Variants in GPCPD1 observed in about 807,000 individuals in gnomAD.
GPCPD1 encodes the protein glycerophosphocholine phosphodiesterase GPCPD1.
Under a neutral mutation model 89.2 loss-of-function variants are expected in GPCPD1, and 29 were observed. That is an observed-to-expected ratio of 0.33 (90% CI 0.24 to 0.44). The LOEUF (loss-of-function observed/expected upper bound fraction) is 0.44, where lower values mean the gene tolerates loss of function less well. Among genes scored for constraint, GPCPD1 ranks in the 20% least tolerant of loss-of-function variants. GPCPD1 has a pLI of 1.00. For synonymous variants in GPCPD1, 258 were observed against 266.3 expected (o/e 0.97, Z 0.30); for missense variants, 594 against 808.9 (o/e 0.73, Z 3.22).
chr20:5,549,782 C>T (rs6053484), intron 19 of GPCPD1, among the ~76,000 whole-genome samples: 34,853 of 145,486 alleles, frequency 0.24, 4,672 homozygotes, highest in East Asian at 0.42. Context: ...TCCTTAATGA[C>T]TTCAGGGAAA....
intron 3 of GPCPD1, 77 bp from the exon 4 acceptor site, chr20:5,593,488 T>C (rs1983694): frequency 0.67 from 513,165 of 766,088 alleles, 175,097 homozygotes; most frequent in African/African-American, 0.87. Flanking sequence ...TTCACAAAAC[T>C]CCTCAAATAA....
chr20:5,579,193 A>C (rs904980698), intron 7 of GPCPD1, among the ~76,000 whole-genome samples: 4 of 152,032 alleles, frequency 2.6e-5, no homozygotes, highest in Non-Finnish European at 5.9e-5. Flanking sequence ...TCAAAAGAAA[A>C]AATATATATA....
At position 5,545,281 on chromosome 20, in the gene GPCPD1, T is replaced by C. The variant is rs984535142; in HGVS notation, c.*2380A>G. 1.4e-4 allele frequency: 22 copies of C among 152,270 alleles called. No individual in the cohort carries two copies. Among genetic ancestry groups the C allele is most frequent in the African/African-American group, 5.3e-4 (22 of 41,560 alleles). The allele number at this position is 152,270 out of a possible 1,614,324, so 9.4% of individuals were successfully genotyped here. A position where few individuals can be genotyped will look rare whatever the true frequency, so the allele number is the denominator to read the frequency against. ...TAATTCCAACATTCATTTTCCACCA[T>C]GTTCCAAGCACTGTGAAAATAAAAA... On this transcript the variant is annotated 3_prime_UTR_variant, in exon 20 of 20. Coordinates refer to ENST00000379019, the MANE Select transcript of GPCPD1 (RefSeq NM_019593.5).
chr20:5,586,351 A>C (rs1341754013), intron 4 of GPCPD1, 82 bp from the exon 5 acceptor site: 7 of 752,512 alleles, frequency 9.3e-6, no homozygotes, highest in Non-Finnish European at 2.4e-6. Context: ...TTTGTGGCCT[A>C]AATCTTATAC....
At position 5,546,883 on chromosome 20, in the gene GPCPD1, A is replaced by G. The variant is rs1206445978; in HGVS notation, c.*778T>C. 2.0e-5 allele frequency: 3 copies of G among 152,632 alleles called. No individual in the cohort carries two copies. The highest frequency in any genetic ancestry group is 4.1e-4 in the South Asian group (2 of 4,832). The allele number at this position is 152,632 out of a possible 1,614,324, so 9.5% of individuals were successfully genotyped here. The stretch of plus-strand genomic sequence containing the variant: ...CAAGGACCTAACAGTAAACATGTAC[A>G]ATCTCATGCTTAACACCTAAAGCAT... On this transcript the variant is annotated 3_prime_UTR_variant, in exon 20 of 20. Transcript: ENST00000379019.
Position 5,575,705 on chromosome 20 carries a change from G to C in GPCPD1, c.868+111C>G, listed in dbSNP as rs775756827. The C allele has an allele frequency of 6.8e-6, 6 of 884,968 alleles. No homozygotes were observed. In the African/African-American group the frequency reaches 1.0e-4, roughly 15 times the overall value. 54.8% of individuals were successfully genotyped at this position (884,968 alleles called of 1,614,324 possible). A position where few individuals can be genotyped will look rare whatever the true frequency, so the allele number is the denominator to read the frequency against. ...ATGTAACAGACATGCTCCTTAAATTGATACTAAAGCAAATTATTAATTTCA... is the reference window on the plus strand; with the variant it reads ...ATGTAACAGACATGCTCCTTAAATTCATACTAAAGCAAATTATTAATTTCA... On this transcript the variant is annotated intron_variant, in intron 9 of 19. Transcript: ENST00000379019.
At position 5,558,002 on chromosome 20, in the gene GPCPD1, T is replaced by A; in HGVS notation, c.1772A>T (p.Asp591Val). 6.2e-7 allele frequency: 1 copy of A among 1,601,026 alleles called. No homozygotes were observed. The highest frequency in any genetic ancestry group is 8.6e-7 in the Non-Finnish European group (1 of 1,168,490). The change falls in exon 19 of 20, where the codon GAT (aspartate) becomes GTT (valine). Residue 591 changes from aspartate (D) to valine (V), a missense_variant. Physicochemically the swap from Asp to Val is radical, Grantham distance 152. Transcript: ENST00000379019. ...VIFCWGDDTN[D>V]PENRRKLKEL... ...CTTCAATTTCCTTCTGTTTTCAGGA[T>A]CATTGGTATCATCACCCCAGCAGAA...
In GPCPD1 at chr20:5,572,720, A is replaced by G. The variant is rs919864333; in HGVS notation, c.1056+1195T>C. The stretch of plus-strand genomic sequence containing the variant: ...CCAGACAAGTACAGAGGAATAGGGG[A>G]GAAAAATCTCAGGTTATTGATTAAA... On this transcript the variant is annotated intron_variant, in intron 11 of 19. Coordinates refer to ENST00000379019, the MANE Select transcript of GPCPD1 (RefSeq NM_019593.5). Among the ~76,000 whole-genome samples, 12 of 152,126 alleles carry G rather than the reference A, an allele frequency of 7.9e-5. No homozygotes were observed. The South Asian group carries it at 2.3e-3, about 29-fold the overall frequency.
chr20:5,569,945 C>A lies in GPCPD1; in HGVS notation c.1149+202G>T, dbSNP rs548847717. ...AATAAAGTATTTTCAGCAATAGAGA[C>A]CCTACTCTAGGAAGGCAGTATTCCC... On this transcript the variant is annotated intron_variant, in intron 12 of 19. Coordinates refer to ENST00000379019, the MANE Select transcript of GPCPD1 (RefSeq NM_019593.5). Among the ~76,000 whole-genome samples, 4 of 152,180 alleles carry A rather than the reference C, an allele frequency of 2.6e-5. No homozygotes were observed. The East Asian group carries it at 5.8e-4, about 22-fold the overall frequency.
rs1290514379 is a variant in GPCPD1 at position 5,598,746 on chromosome 20, G to T, written c.125C>A (p.Pro42Gln). 3 of 1,608,374 alleles carry T rather than the reference G, an allele frequency of 1.9e-6. No individual in the cohort carries two copies. In the Admixed American group the frequency reaches 5.0e-5, roughly 27 times the overall value. ...WNPQNAVALL[P>Q]ENDTGESMLW... Reference sequence around the variant, plus strand: ...TCACCTTTCACCTGTGTCATTCTCTGGAAGAAGAGCCACAGCATTTTGAGG... The same window carrying T: ...TCACCTTTCACCTGTGTCATTCTCTTGAAGAAGAGCCACAGCATTTTGAGG... The change falls in exon 3 of 20, where the codon CCA (proline) becomes CAA (glutamine). Residue 42 changes from proline (P) to glutamine (Q), a missense_variant. Transcript: ENST00000379019.
At chr20:5,605,132 G>A (rs2122819269) in intron 1 of GPCPD1, among the ~76,000 whole-genome samples, 1 of 152,278 alleles carries the variant, frequency 6.6e-6, no homozygotes, top group East Asian at 1.9e-4. Context: ...TATTCTTTCA[G>A]AATATATGTT....
intron 11 of GPCPD1, among the ~76,000 whole-genome samples, 187 bp from the exon 12 acceptor site, chr20:5,570,426 C>CAA (rs36030193): frequency 0.23 from 19,958 of 85,654 alleles, 2,342 homozygotes; most frequent in African/African-American, 0.26. Context: ...TTTTTCCTGG[C>CAA]AAAAAAAAAA....
At chr20:5,588,612 G>GTCAGGAGTTTGAGACCA (rs1555808318) in intron 4 of GPCPD1, among the ~76,000 whole-genome samples, 6 of 151,704 alleles carry the variant, frequency 4.0e-5, no homozygotes, top group African/African-American at 1.5e-4. Flanking sequence ...ATCACTTGAG[G>GTCAGGAGTTTGAGACCA]TCAGGAGTTC....
rs199711171 is a variant in GPCPD1 at position 5,598,175 on chromosome 20, CA to C, written c.146+549del. On this transcript the variant is annotated intron_variant, in intron 3 of 19. Coordinates refer to ENST00000379019, the MANE Select transcript of GPCPD1 (RefSeq NM_019593.5). ...ACATAACCAGACACCACCTTTGTGC[CA>C]AAAAAAACCCCAAAAAACAAACAAA... 4.7e-5 allele frequency among the ~76,000 whole-genome samples: 7 copies of C among 148,670 alleles called. 1 individual carries two copies. The highest frequency in any genetic ancestry group is 2.5e-5 in the African/African-American group (1 of 40,002).
chr20:5,566,172 T>G (rs191351004), intron 14 of GPCPD1, among the ~76,000 whole-genome samples: 1 of 152,234 alleles, frequency 6.6e-6, no homozygotes, highest in Non-Finnish European at 1.5e-5. Context: ...ACCTACTATA[T>G]GTACAGCACC....
At position 5,559,885 on chromosome 20, in the gene GPCPD1, C is replaced by CT. The variant is rs1287834765; in HGVS notation, c.1532+54dup. ...AACTACCCCACCTCCAGACTGCTGC[C>CT]TTAAGTCCTAGACACATTCTAAGAG... is the stretch of plus-strand genomic sequence containing the variant. On this transcript the variant is annotated intron_variant, in intron 17 of 19. Coordinates refer to ENST00000379019, the MANE Select transcript of GPCPD1 (RefSeq NM_019593.5). The CT allele has an allele frequency of 3.0e-6, 3 of 992,304 alleles. No individual in the cohort carries two copies. The African/African-American group carries it at 5.0e-5, about 17-fold the overall frequency. The allele number at this position is 992,304 out of a possible 1,614,324, so 61.5% of individuals were successfully genotyped here.
intron 15 of GPCPD1, 58 bp from the exon 16 acceptor site, chr20:5,561,588 AAAC>A (rs1319335600): frequency 2.2e-5 from 17 of 776,734 alleles, no homozygotes; most frequent in Non-Finnish European, 3.3e-5. Flanking sequence ...CAGAATAAGA[AAAC>A]AAAAAAAATA....
chr20:5,562,265 ATT>A (rs1014678646), intron 15 of GPCPD1, among the ~76,000 whole-genome samples: 4 of 152,188 alleles, frequency 2.6e-5, no homozygotes. Context: ...GGCAAAATGA[ATT>A]TGACAGAGAT....
chr20:5,580,036 T>C lies in GPCPD1; in HGVS notation c.445A>G (p.Lys149Glu). ...AATCTAGATTTTTTTAATTTTTTCT[T>C]GGTTATTGACACAGGAGGTTTTTCA... ...YSEKPPVSITKKKLKKSRFRV... is the reference protein window; with the variant it reads ...YSEKPPVSITEKKLKKSRFRV... The change falls in exon 7 of 20, where the codon AAG (lysine) becomes GAG (glutamate). Residue 149 changes from lysine (K) to glutamate (E), a missense_variant. Transcript: ENST00000379019. 1 of 1,532,476 alleles carries C rather than the reference T, an allele frequency of 6.5e-7. No individual in the cohort carries two copies. Among genetic ancestry groups the C allele is most frequent in the Admixed American group, 1.7e-5 (1 of 58,742 alleles). The allele number at this position is 1,532,476 out of a possible 1,614,324, so 94.9% of individuals were successfully genotyped here.
Sources: allele counts gnomAD v4.1 joint callset (sites outside exome capture counted in the v4.1 genomes callset), GRCh38; gene constraint gnomAD v4.1.1; transcripts MANE v1.5; gene names NCBI Gene and HGNC (gene_info 2026-07-23, HGNC 2026-07-21).